FARP2: variants seen among roughly 807,000 people sequenced by gnomAD.
FARP2 encodes the protein FERM, ARH/RhoGEF and pleckstrin domain protein 2.
FARP2 carries 111 observed loss-of-function variants against 130.5 expected under a neutral mutation model. The observed-to-expected ratio is 0.85, with a 90% CI of 0.73 to 1.00. FARP2 has a LOEUF of 1.00. Among genes scored for constraint, FARP2 ranks in the 50% least tolerant of loss-of-function variants. FARP2 has a pLI of 0.00. For missense variants in FARP2, 1,385 were observed against 1,346.3 expected (o/e 1.03, Z -0.45); for synonymous variants, 504 against 516.9 (o/e 0.98, Z 0.34).
At chr2:241,382,117 C>A (rs2061674010) in intron 2 of FARP2, among the ~76,000 whole-genome samples, 1 of 152,084 alleles carries the variant, frequency 6.6e-6, no homozygotes, top group South Asian at 2.1e-4. Flanking sequence ...TTTCTGAATA[C>A]CCTTCTGGCC....
chr2:241,394,946 C>T (rs1369349388), intron 2 of FARP2, among the ~76,000 whole-genome samples: 1 of 152,204 alleles, frequency 6.6e-6, no homozygotes, highest in Admixed American at 6.5e-5. Flanking sequence ...TCTGGTGATG[C>T]TCACACTGTT....
intron 2 of FARP2, among the ~76,000 whole-genome samples, chr2:241,400,347 T>C (rs941752277): frequency 6.6e-6 from 1 of 152,226 alleles, no homozygotes; most frequent in Admixed American, 6.5e-5. Context: ...TGGCCGTGTG[T>C]GGTGCCTCTC....
At chr2:241,390,919 T>G (rs74000646) in intron 2 of FARP2, among the ~76,000 whole-genome samples, 3,271 of 152,280 alleles carry the variant, frequency 0.021, 109 homozygotes, top group African/African-American at 0.068. Context: ...ATGGTCTTAT[T>G]GGCCTTTTTT....
intron 4 of FARP2, 39 bp downstream of exon 4, chr2:241,404,880 A>C: frequency 6.7e-7 from 1 of 1,485,156 alleles, no homozygotes; most frequent in East Asian, 2.3e-5. Flanking sequence ...CTGTTTGTTT[A>C]AGATGTGTTG....
chr2:241,371,930 C>T (rs929691217), intron 1 of FARP2, among the ~76,000 whole-genome samples: 2 of 152,024 alleles, frequency 1.3e-5, no homozygotes, highest in African/African-American at 4.8e-5. Flanking sequence ...CTAGCCTGAT[C>T]TTCGTTAAAA....
chr2:241,447,439 C>T (rs2063537280), intron 13 of FARP2, among the ~76,000 whole-genome samples: 2 of 152,142 alleles, frequency 1.3e-5, no homozygotes, highest in African/African-American at 4.8e-5. Flanking sequence ...GTGGCCTGCA[C>T]GGCAGAGCTG....
At chr2:241,409,478 G>C (rs2062458751) in intron 5 of FARP2, among the ~76,000 whole-genome samples, 1 of 152,178 alleles carries the variant, frequency 6.6e-6, no homozygotes, top group African/African-American at 2.4e-5. Flanking sequence ...GAGCCCAGGA[G>C]GTTGAGGCTG....
chr2:241,403,560 T>A (rs1015385983), intron 2 of FARP2, among the ~76,000 whole-genome samples: 1 of 152,186 alleles, frequency 6.6e-6, no homozygotes, highest in African/African-American at 2.4e-5. Context: ...TAGAAATGGT[T>A]TCTATAGCTT....
chr2:241,478,921 C>T, intron 19 of FARP2: 1 of 401,338 alleles, frequency 2.5e-6, no homozygotes, highest in East Asian at 5.4e-5. Context: ...AACTTCACAA[C>T]ACCCCATACA....
chr2:241,443,254 A>AT (rs112563539), intron 13 of FARP2: 66 of 149,708 alleles, frequency 4.4e-4, no homozygotes, highest in South Asian at 1.4e-3. Flanking sequence ...GCACCATGTC[A>AT]TTTTTTTTTT....
intron 2 of FARP2, chr2:241,395,615 T>G (rs1001704982): frequency 6.6e-6 from 1 of 152,240 alleles, no homozygotes; most frequent in African/African-American, 2.4e-5. Context: ...GCCTGCTACT[T>G]CTGGTCATGT....
intron 2 of FARP2, among the ~76,000 whole-genome samples, chr2:241,393,326 T>C (rs1438729348): frequency 1.3e-5 from 2 of 152,166 alleles, no homozygotes; most frequent in Non-Finnish European, 2.9e-5. Flanking sequence ...GGCCTCCTTA[T>C]GGTTCTTAGT....
chr2:241,372,810 A>T (rs970350817), intron 1 of FARP2: 5 of 181,808 alleles, frequency 2.8e-5, no homozygotes. Context: ...TGTGAGGTCT[A>T]ACAGGTTAAA....
chr2:241,428,709 T>G (rs886910434), intron 8 of FARP2, among the ~76,000 whole-genome samples: 2 of 152,094 alleles, frequency 1.3e-5, no homozygotes, highest in African/African-American at 4.8e-5. Flanking sequence ...TTTAGGATAC[T>G]TACACAGTTG....
chr2:241,487,416 C>A (rs996353996), intron 21 of FARP2, among the ~76,000 whole-genome samples: 3 of 152,014 alleles, frequency 2.0e-5, no homozygotes, highest in African/African-American at 7.2e-5. Flanking sequence ...GTCTGTAATC[C>A]CAGCACTTTG....
intron 8 of FARP2, among the ~76,000 whole-genome samples, chr2:241,421,163 G>C (rs1238475993): frequency 1.3e-5 from 2 of 152,222 alleles, no homozygotes; most frequent in Non-Finnish European, 2.9e-5. Flanking sequence ...ACAGATGTTT[G>C]CAACCCACAG....
At chr2:241,417,702 A>G (rs886737635) in intron 7 of FARP2, among the ~76,000 whole-genome samples, 24 of 152,208 alleles carry the variant, frequency 1.6e-4, no homozygotes, top group Admixed American at 3.3e-4. Flanking sequence ...GAGCAGATGT[A>G]AGGCTGAGTA....
At chr2:241,404,626 T>G (rs2062282732) in intron 3 of FARP2, among the ~76,000 whole-genome samples, 173 bp from the exon 4 acceptor site, 1 of 152,226 alleles carries the variant, frequency 6.6e-6, no homozygotes, top group Admixed American at 6.5e-5. Context: ...GGCATTGCTG[T>G]CCTTCTTGTA....
At chr2:241,493,794 A>G in intron 26 of FARP2, 1 of 492,790 alleles carries the variant, frequency 2.0e-6, no homozygotes, top group South Asian at 3.5e-5. Flanking sequence ...ACAGGGTTTC[A>G]CCATGTTGGC....
Sources: gnomAD v4.1 joint callset for allele counts (sites outside exome capture counted in the v4.1 genomes callset) on GRCh38, gnomAD v4.1.1 for gene constraint, MANE v1.5 for transcripts, NCBI Gene and HGNC (gene_info 2026-07-23, HGNC 2026-07-21) for gene names.